Variants in NUDT21 observed in about 807,000 individuals in gnomAD.
The protein encoded by NUDT21 is cleavage and polyadenylation specificity factor subunit 5.
Under a neutral mutation model 29.8 loss-of-function variants are expected in NUDT21, and 5 were observed. That is an observed-to-expected ratio of 0.17 (90% CI 0.09 to 0.35). NUDT21 has a LOEUF of 0.35. NUDT21 is among the 10% of genes least tolerant of loss of function. The probability of loss-of-function intolerance (pLI) is 1.00; values close to 1 mark genes in which losing one functional copy is unlikely to be tolerated. For missense variants in NUDT21, 76 were observed against 276.0 expected (o/e 0.28, Z 5.13); for synonymous variants, 113 against 98.5 (o/e 1.15, Z -0.87).
intron 4 of NUDT21, among the ~76,000 whole-genome samples, chr16:56,438,829 T>C (rs1962131145): frequency 6.6e-6 from 1 of 150,974 alleles, no homozygotes; most frequent in South Asian, 2.1e-4. Context: ...TAAAAGAGAC[T>C]TTAGAGACTA....
intron 4 of NUDT21, among the ~76,000 whole-genome samples, chr16:56,436,267 G>A (rs1232341216): frequency 8.5e-5 from 13 of 152,146 alleles, no homozygotes; most frequent in Non-Finnish European, 1.5e-5. Context: ...AGCAGAAGCT[G>A]CCAAAAGGAG....
rs1267609860 is a variant in NUDT21 at position 56,434,849 on chromosome 16, C to T, written c.472-20G>A. ...TGGATACTGAAATTACAAATGAATA[C>T]AACTTTAATATGTATTCCATGGCTT... is the stretch of plus-strand genomic sequence containing the variant. On this transcript the variant is annotated intron_variant, in intron 4 of 6. Coordinates refer to ENST00000300291, the MANE Select transcript of NUDT21 (RefSeq NM_007006.3). The T allele has an allele frequency of 7.3e-7, 1 of 1,378,124 alleles. No homozygotes were observed. The highest frequency in any genetic ancestry group is 1.0e-6 in the Non-Finnish European group (1 of 970,140). 85.4% of individuals were successfully genotyped at this position (1,378,124 alleles called of 1,614,324 possible).
intron 2 of NUDT21, among the ~76,000 whole-genome samples, chr16:56,447,369 C>T (rs773466664): frequency 2.6e-5 from 4 of 152,162 alleles, no homozygotes; most frequent in Admixed American, 6.5e-5. Flanking sequence ...CAAATAGTTA[C>T]GGATCAAATG....
chr16:56,443,135 T>C (rs997270038), intron 3 of NUDT21, among the ~76,000 whole-genome samples: 6 of 152,196 alleles, frequency 3.9e-5, no homozygotes, highest in South Asian at 2.1e-4. Context: ...AGATGCTTAA[T>C]TGTCACCTCT....
intron 3 of NUDT21, among the ~76,000 whole-genome samples, chr16:56,440,432 G>A (rs1362883528): frequency 6.6e-6 from 1 of 152,112 alleles, no homozygotes; most frequent in Non-Finnish European, 1.5e-5. Context: ...TTCAGTCCCA[G>A]GATCCCATCT....
chr16:56,441,455 G>A (rs891634203), intron 3 of NUDT21, among the ~76,000 whole-genome samples: 2 of 151,772 alleles, frequency 1.3e-5, no homozygotes, highest in African/African-American at 4.8e-5. Flanking sequence ...GGATGGTCTC[G>A]ATCTTTTGAC....
At chr16:56,436,254 A>T (rs1962102884) in intron 4 of NUDT21, among the ~76,000 whole-genome samples, 1 of 152,190 alleles carries the variant, frequency 6.6e-6, no homozygotes, top group African/African-American at 2.4e-5. Context: ...AAAGTGAGAT[A>T]AAAGCAGAAG....
chr16:56,441,599 A>G (rs114210398), intron 3 of NUDT21, among the ~76,000 whole-genome samples: 2 of 152,246 alleles, frequency 1.3e-5, no homozygotes, highest in African/African-American at 2.4e-5. Context: ...GAGAATTTAG[A>G]TATTAAAATC....
chr16:56,451,095 G>A lies in NUDT21; in HGVS notation c.108C>T (p.Thr36=), dbSNP rs1352882180. The change falls in exon 1 of 7, where the codon ACC becomes ACT. Residue 36 remains threonine (T), a synonymous_variant. Coordinates refer to ENST00000300291, the MANE Select transcript of NUDT21 (RefSeq NM_007006.3). ...QQTKPLTLER[T]INLYPLTNYT... The stretch of plus-strand genomic sequence containing the variant: ...GGCCGCGCCGCACTTACAGGTTGAT[G>A]GTGCGCTCCAGGGTGAGGGGCTTCG... The A allele has an allele frequency of 6.2e-7, 1 of 1,613,166 alleles. No individual in the cohort carries two copies. Among genetic ancestry groups the A allele is most frequent in the Admixed American group, 1.7e-5 (1 of 59,970 alleles).
intron 3 of NUDT21, among the ~76,000 whole-genome samples, chr16:56,444,444 C>A (rs1962193984): frequency 6.6e-6 from 1 of 151,664 alleles, no homozygotes; most frequent in South Asian, 2.1e-4. Flanking sequence ...ATTAGCTGGG[C>A]ATGGTAGTGG....
rs552180426 is a variant in NUDT21, at chr16:56,442,581, T to C, written c.382-2835A>G. Reference sequence around the variant, plus strand: ...ACATCTTTTTGTTTTTATTTTCGTTTGTAGGATCTAAAACGTCATGATGAT... The same window carrying C: ...ACATCTTTTTGTTTTTATTTTCGTTCGTAGGATCTAAAACGTCATGATGAT... On this transcript the variant is annotated intron_variant, in intron 3 of 6. Transcript: ENST00000300291. Among the ~76,000 whole-genome samples, 18 of 152,368 alleles carry C rather than the reference T, an allele frequency of 1.2e-4. No homozygotes were observed. In the East Asian group the frequency reaches 3.5e-3, roughly 29 times the overall value.
intron 1 of NUDT21, among the ~76,000 whole-genome samples, chr16:56,448,865 C>T (rs781758364): frequency 5.9e-5 from 9 of 152,164 alleles, no homozygotes; most frequent in Non-Finnish European, 1.0e-4. Context: ...AAGCCCTTGA[C>T]ATTAATAGTC....
chr16:56,430,278 G>C lies in NUDT21; in HGVS notation c.*2434C>G, dbSNP rs1435212464. On this transcript the variant is annotated 3_prime_UTR_variant, in exon 7 of 7. Coordinates refer to ENST00000300291, the MANE Select transcript of NUDT21 (RefSeq NM_007006.3). ...ACTTCACTCTTCTCCAAAGGGATAAGTCCATCCTAAATGTAACTACAAACA... is the reference window on the plus strand; with the variant it reads ...ACTTCACTCTTCTCCAAAGGGATAACTCCATCCTAAATGTAACTACAAACA... The C allele has an allele frequency of 2.0e-5, 3 of 152,136 alleles. No homozygotes were observed. The highest frequency in any genetic ancestry group is 7.2e-5 in the African/African-American group (3 of 41,420). 9.4% of individuals were successfully genotyped at this position (152,136 alleles called of 1,614,324 possible).
chr16:56,447,156 A>C (rs1962228964), intron 2 of NUDT21: 1 of 158,376 alleles, frequency 6.3e-6, no homozygotes, highest in African/African-American at 2.4e-5. Context: ...TTAAACAAAC[A>C]GAATATATAA....
intron 3 of NUDT21, among the ~76,000 whole-genome samples, chr16:56,442,180 C>G (rs1962166985): frequency 6.6e-6 from 1 of 152,238 alleles, no homozygotes; most frequent in Non-Finnish European, 1.5e-5. Context: ...CCACACCCAG[C>G]CTAAGACACG....
intron 3 of NUDT21, 135 bp downstream of exon 3, chr16:56,446,491 T>C: frequency 1.9e-6 from 1 of 535,998 alleles, no homozygotes; most frequent in Non-Finnish European, 3.3e-6. Flanking sequence ...AAATCAACAT[T>C]GTACTAACCT....
rs1555514701 is a variant in NUDT21 at position 56,435,743 on chromosome 16, T to TTTTATA, written c.472-915_472-914insTATAAA. ...TCTGTCTCCCAAAAAAAAAAAAAAA[T>TTTTATA]TATATATATATATATATATATATAT... On this transcript the variant is annotated intron_variant, in intron 4 of 6. Coordinates refer to ENST00000300291, the MANE Select transcript of NUDT21 (RefSeq NM_007006.3). Among the ~76,000 whole-genome samples the TTTTATA allele has an allele frequency of 2.6e-4, 7 of 27,058 alleles. No homozygotes were observed. The East Asian group carries it at 3.0e-3, about 12-fold the overall frequency. 17.8% of individuals were successfully genotyped at this position (27,058 alleles called of 152,430 possible).
chr16:56,436,316 TAA>T (rs1962103387), intron 4 of NUDT21, among the ~76,000 whole-genome samples: 1 of 152,160 alleles, frequency 6.6e-6, no homozygotes, highest in Non-Finnish European at 1.5e-5. Flanking sequence ...AATCACATGC[TAA>T]GAGAGGCTAA....
chr16:56,442,679 T>C (rs1316531422), intron 3 of NUDT21, among the ~76,000 whole-genome samples: 1 of 152,240 alleles, frequency 6.6e-6, no homozygotes, highest in Non-Finnish European at 1.5e-5. Context: ...TCAAAACTCA[T>C]GCCCTTTGAG....
Sources: gnomAD v4.1 joint callset for allele counts (sites outside exome capture counted in the v4.1 genomes callset) on GRCh38, gnomAD v4.1.1 for gene constraint, MANE v1.5 for transcripts, NCBI Gene and HGNC (gene_info 2026-07-23, HGNC 2026-07-21) for gene names.